ATF6: variants seen among roughly 807,000 people sequenced by gnomAD.
ATF6 encodes the protein cyclic AMP-dependent transcription factor ATF-6 alpha.
Under a neutral mutation model 83.6 loss-of-function variants are expected in ATF6, and 53 were observed. The observed-to-expected ratio is 0.63, with a 90% confidence interval of 0.51 to 0.80. ATF6 has a LOEUF of 0.80. ATF6 is among the 30% of genes least tolerant of loss of function. The pLI is 0.00. For missense variants in ATF6, 744 were observed against 797.9 expected (o/e 0.93, Z 0.81); for synonymous variants, 288 against 285.8 (o/e 1.01, Z -0.08).
intron 14 of ATF6, among the ~76,000 whole-genome samples, chr1:161,870,957 A>G (rs944855160): frequency 1.3e-5 from 2 of 151,620 alleles, no homozygotes; most frequent in Non-Finnish European, 3.0e-5. Context: ...CATTTGTTTA[A>G]TCTCCCCTTT....
chr1:161,832,744 A>G (rs990398838), intron 9 of ATF6, among the ~76,000 whole-genome samples: 15 of 152,344 alleles, frequency 9.8e-5, no homozygotes, highest in African/African-American at 3.6e-4. Flanking sequence ...GAGCAGGTAA[A>G]CAAAGCAGCT....
chr1:161,860,180 A>G, intron 12 of ATF6, 27 bp from the exon 13 acceptor site: 1 of 1,480,934 alleles, frequency 6.8e-7, no homozygotes, highest in South Asian at 1.2e-5. Flanking sequence ...ATACAGTATT[A>G]AACTTTTTTT....
chr1:161,789,779 A>T (rs185500418), intron 4 of ATF6, among the ~76,000 whole-genome samples: 4 of 152,312 alleles, frequency 2.6e-5, no homozygotes, highest in African/African-American at 9.6e-5. Flanking sequence ...CTTGTCGAAT[A>T]TTATCAAATA....
intron 4 of ATF6, among the ~76,000 whole-genome samples, chr1:161,789,012 CT>C (rs1557960676): frequency 6.6e-6 from 1 of 151,574 alleles, no homozygotes; most frequent in African/African-American, 2.4e-5. Flanking sequence ...TTATTTTTAA[CT>C]TTTTTTGGGT....
In ATF6 at chr1:161,821,103, AGAGTT is replaced by A; in HGVS notation, c.1131_1135del (p.Arg377SerfsTer30). 1 of 1,613,292 alleles carries A rather than the reference AGAGTT, an allele frequency of 6.2e-7. No individual in the cohort carries two copies. The highest frequency in any genetic ancestry group is 8.5e-7 in the Non-Finnish European group (1 of 1,179,544). On this transcript the variant is annotated frameshift_variant, in exon 9 of 16. Transcript: ENST00000367942. LOFTEE classifies it high-confidence loss of function. Reference sequence around the variant, plus strand: ...GCTTAAAGTCCCTAGTCCAAAGCGAAGAGTTGTCTGTGTGATGATAGTATTGGCAT... The same window carrying A: ...GCTTAAAGTCCCTAGTCCAAAGCGAAGTCTGTGTGATGATAGTATTGGCAT...
intron 9 of ATF6, among the ~76,000 whole-genome samples, chr1:161,834,544 A>G (rs560039114): frequency 6.7e-6 from 1 of 149,182 alleles, no homozygotes; most frequent in African/African-American, 2.5e-5. Flanking sequence ...CAAACACCGC[A>G]TGTTCTCACT....
Position 161,913,638 on chromosome 1 carries a change from T to C in ATF6, c.1804+1258T>C, listed in dbSNP as rs1688034968. Among the ~76,000 whole-genome samples, 3 of 152,212 alleles carry C rather than the reference T, an allele frequency of 2.0e-5. No individual in the cohort carries two copies. The South Asian group carries it at 6.2e-4, about 31-fold the overall frequency. On this transcript the variant is annotated intron_variant, in intron 15 of 15. Transcript: ENST00000367942. ...TTGAGAAGAACATCTCTTTCTTCAGTAAAGACATACCTTTGAAGTTACTCA... is the reference window on the plus strand; with the variant it reads ...TTGAGAAGAACATCTCTTTCTTCAGCAAAGACATACCTTTGAAGTTACTCA...
At chr1:161,792,013 G>A in intron 5 of ATF6, 111 bp from the exon 6 acceptor site, 2 of 908,294 alleles carry the variant, frequency 2.2e-6, no homozygotes, top group Admixed American at 3.8e-5. Context: ...GTTAAAGATT[G>A]TTAATCGAAG....
At chr1:161,812,687 C>T (rs960950220) in intron 7 of ATF6, among the ~76,000 whole-genome samples, 2 of 151,912 alleles carry the variant, frequency 1.3e-5, no homozygotes, top group Admixed American at 6.6e-5. Context: ...CCACCGCGCC[C>T]GGCCAGGAGC....
chr1:161,779,560 T>G (rs1684588480), intron 2 of ATF6, among the ~76,000 whole-genome samples: 1 of 152,204 alleles, frequency 6.6e-6, no homozygotes, highest in African/African-American at 2.4e-5. Context: ...ATTTCTGATG[T>G]GATAAAATCT....
At chr1:161,867,243 C>T (rs962447222) in intron 14 of ATF6, among the ~76,000 whole-genome samples, 5 of 151,702 alleles carry the variant, frequency 3.3e-5, no homozygotes, top group Non-Finnish European at 7.4e-5. Flanking sequence ...TGCAGTGAGC[C>T]GAGATCGCGC....
chr1:161,835,883 T>G (rs555866708), intron 9 of ATF6, among the ~76,000 whole-genome samples: 23 of 152,354 alleles, frequency 1.5e-4, no homozygotes, highest in African/African-American at 4.1e-4. Flanking sequence ...TAAGGAGGTT[T>G]TAAATATGTT....
chr1:161,798,690 A>G (rs1685075001), intron 6 of ATF6, among the ~76,000 whole-genome samples: 2 of 152,224 alleles, frequency 1.3e-5, no homozygotes, highest in Admixed American at 6.5e-5. Flanking sequence ...AGAATGGGAG[A>G]GAATATTTGC....
In ATF6 at chr1:161,781,918, A is replaced by T; in HGVS notation, c.166A>T (p.Asn56Tyr). ...GCTGATTTGAAACCTACAGGAAAACAATTTTGATAATCTTGATTTTGATTT... is the reference window on the plus strand; with the variant it reads ...GCTGATTTGAAACCTACAGGAAAACTATTTTGATAATCTTGATTTTGATTT... ...LEAANETYEN[N>Y]FDNLDFDLDL... The change falls in exon 3 of 16, where the codon AAT (asparagine) becomes TAT (tyrosine). Residue 56 changes from asparagine (N) to tyrosine (Y), a missense_variant. By Grantham distance (143) the Asn-to-Tyr change is moderately radical. Transcript: ENST00000367942. 6.2e-7 allele frequency: 1 copy of T among 1,605,272 alleles called. No individual in the cohort carries two copies.
chr1:161,826,195 C>T (rs2101792685), intron 9 of ATF6, among the ~76,000 whole-genome samples: 1 of 152,180 alleles, frequency 6.6e-6, no homozygotes, highest in African/African-American at 2.4e-5. Flanking sequence ...GATTATGCTA[C>T]AGGAAGTGAC....
intron 9 of ATF6, among the ~76,000 whole-genome samples, chr1:161,833,536 A>G (rs1686129039): frequency 6.6e-6 from 1 of 152,208 alleles, no homozygotes; most frequent in South Asian, 2.1e-4. Context: ...GATAACTAGA[A>G]TAACCAATGC....
chr1:161,813,907 G>A lies in ATF6; in HGVS notation c.910-5726G>A, dbSNP rs76515427. ...TTCTTTCTTTTTTTTTTTTTGAGAT[G>A]GAGTTTCACTTTTGTTGCCCAGGCT... On this transcript the variant is annotated intron_variant, in intron 7 of 15. Coordinates refer to ENST00000367942, the MANE Select transcript of ATF6 (RefSeq NM_007348.4). Among the ~76,000 whole-genome samples the A allele has an allele frequency of 2.4e-4, 35 of 146,652 alleles. No homozygotes were observed. In the East Asian group the frequency reaches 6.3e-3, roughly 27 times the overall value.
chr1:161,948,434 T>A lies in ATF6; in HGVS notation c.1805-10012T>A, dbSNP rs185917875. Among the ~76,000 whole-genome samples the A allele has an allele frequency of 2.7e-3, 411 of 152,348 alleles. 4 individuals are homozygous for A. Among genetic ancestry groups the A allele is most frequent in the African/African-American group, 9.2e-3 (383 of 41,582 alleles). On this transcript the variant is annotated intron_variant, in intron 15 of 15. Transcript: ENST00000367942. ...GCTTCAGTCATTTATAAGAATTGTTTAAAGAAGGCAGTCATCAGTTACTTT... is the reference window on the plus strand; with the variant it reads ...GCTTCAGTCATTTATAAGAATTGTTAAAAGAAGGCAGTCATCAGTTACTTT...
At chr1:161,810,092 A>G (rs571340215) in intron 7 of ATF6, among the ~76,000 whole-genome samples, 22 of 152,322 alleles carry the variant, frequency 1.4e-4, no homozygotes, top group Non-Finnish European at 2.9e-4. Context: ...ACAGGGCTTA[A>G]TGGAGTCCTT....
Sources: allele counts gnomAD v4.1 joint callset (sites outside exome capture counted in the v4.1 genomes callset), GRCh38; gene constraint gnomAD v4.1.1; transcripts MANE v1.5; gene names NCBI Gene and HGNC (gene_info 2026-07-23, HGNC 2026-07-21).